PTPN14: variants seen among roughly 807,000 people sequenced by gnomAD.
PTPN14 encodes protein tyrosine phosphatase non-receptor type 14.
PTPN14 carries 53 observed loss-of-function variants against 126.8 expected under a neutral mutation model. That is an observed-to-expected ratio of 0.42 (90% CI 0.34 to 0.53). The LOEUF (loss-of-function observed/expected upper bound fraction) is 0.53. Ranked by LOEUF, PTPN14 falls within the 20% of genes least tolerant of loss-of-function variation. The pLI is 0.08. For synonymous variants in PTPN14, 630 were observed against 599.3 expected, an observed-to-expected ratio of 1.05 and a Z score of -0.75; for missense variants, 1,257 against 1,552.9, an observed-to-expected ratio of 0.81 and a Z score of 3.20.
intron 1 of PTPN14, among the ~76,000 whole-genome samples, chr1:214,512,037 C>T (rs1654986379): frequency 6.6e-6 from 1 of 152,072 alleles, no homozygotes; most frequent in African/African-American, 2.4e-5. Context: ...CTGCATCTCC[C>T]AGGGCTAGTC....
Position 214,485,455 on chromosome 1 carries a change from G to A in PTPN14, c.-154-20498C>T, listed in dbSNP as rs546914097. Among the ~76,000 whole-genome samples, 18 of 152,296 alleles carry A rather than the reference G, an allele frequency of 1.2e-4. No individual in the cohort carries two copies. In the South Asian group the frequency reaches 2.9e-3, roughly 25 times the overall value. ...TTTTGGGAAATCTGTGATAACCACCGGGATCAAGTCCTCATTAGACAAGTG... is the reference window on the plus strand; with the variant it reads ...TTTTGGGAAATCTGTGATAACCACCAGGATCAAGTCCTCATTAGACAAGTG... On this transcript the variant is annotated intron_variant, in intron 1 of 18. Transcript: ENST00000366956.
intron 3 of PTPN14, among the ~76,000 whole-genome samples, chr1:214,442,834 T>A (rs1049266901): frequency 1.6e-5 from 2 of 126,360 alleles, no homozygotes; most frequent in African/African-American, 6.0e-5. Context: ...TTTTTTTTTT[T>A]CTCTTTGAGA....
At chr1:214,483,014 C>A (rs74691263) in intron 1 of PTPN14, 7 of 1,436,358 alleles carry the variant, frequency 4.9e-6, no homozygotes, top group Non-Finnish European at 6.4e-6. Flanking sequence ...CCATTCCCCC[C>A]ATACTATTTC....
chr1:214,465,035 G>GCGCCCCCCCCCCCCCCCCC (rs1660599018), intron 1 of PTPN14, 78 bp from the exon 2 acceptor site: 2 of 278,410 alleles, frequency 7.2e-6, no homozygotes, highest in Non-Finnish European at 1.2e-5. Context: ...ACACACAGAA[G>GCGCCCCCCCCCCCCCCCCC]CCCCCCCCCC....
chr1:214,430,682 T>C (rs1473851769), intron 3 of PTPN14, among the ~76,000 whole-genome samples: 1 of 152,236 alleles, frequency 6.6e-6, no homozygotes, highest in African/African-American at 2.4e-5. Context: ...TCCATTTATG[T>C]GAGCCAATTC....
chr1:214,476,072 G>A (rs1156602222), intron 1 of PTPN14, among the ~76,000 whole-genome samples: 1 of 152,156 alleles, frequency 6.6e-6, no homozygotes, highest in Non-Finnish European at 1.5e-5. Flanking sequence ...AGGGGGCCCT[G>A]AGGCTGGGAC....
chr1:214,549,317 C>T (rs1430646461), intron 1 of PTPN14, among the ~76,000 whole-genome samples: 1 of 152,022 alleles, frequency 6.6e-6, no homozygotes, highest in African/African-American at 2.4e-5. Flanking sequence ...AATCCTGGGC[C>T]ATTAGTCTAC....
chr1:214,433,949 CACAAAAAAAAAAAAAAAAA>C (rs764981536), intron 3 of PTPN14, among the ~76,000 whole-genome samples: 5 of 68,604 alleles, frequency 7.3e-5, no homozygotes, highest in African/African-American at 2.1e-4. Context: ...CACACACACA[CACAAAAAAAAAAAAAAAAA>C]AAAACTCAAA....
chr1:214,409,038 T>C (rs1427153321), intron 5 of PTPN14, among the ~76,000 whole-genome samples: 1 of 152,260 alleles, frequency 6.6e-6, no homozygotes, highest in Non-Finnish European at 1.5e-5. Flanking sequence ...GTATATATTG[T>C]GGAATTGGCA....
chr1:214,456,298 G>A (rs12736454), intron 2 of PTPN14, among the ~76,000 whole-genome samples: 57,613 of 151,788 alleles, frequency 0.38, 11,192 homozygotes, highest in East Asian at 0.53. Context: ...ATTAAGAAAT[G>A]GTGTGCTTCC....
chr1:214,520,065 A>AAAAAAATATATATATATATATATAT lies in PTPN14; in HGVS notation c.-155+31117_-155+31118insATATATATATATATATATATTTTTT. On this transcript the variant is annotated intron_variant, in intron 1 of 18. Transcript: ENST00000366956. ...CCTGTCTCAAAAAAAAAAAAAAAAAAATATATATATATATATATGCAGAAT... is the reference window on the plus strand; with the variant it reads ...CCTGTCTCAAAAAAAAAAAAAAAAAAAAAAAATATATATATATATATATATATATATATATATATATATGCAGAAT... Among the ~76,000 whole-genome samples, 3 of 71,112 alleles carry AAAAAAATATATATATATATATATAT rather than the reference A, an allele frequency of 4.2e-5. No individual in the cohort carries two copies. The Admixed American group carries it at 4.8e-4, about 11-fold the overall frequency. 46.7% of individuals were successfully genotyped at this position (71,112 alleles called of 152,430 possible).
At position 214,364,716 on chromosome 1, in the gene PTPN14, T is replaced by C. The variant is rs35778117; in HGVS notation, c.3272-41A>G. ...CAAATTCTGTCACCAAAGTCCTCCA[T>C]GGCTTCGCATGTAAGTTGGGGAGGG... On this transcript the variant is annotated intron_variant, in intron 17 of 18. Transcript: ENST00000366956. The surrounding 1 kb of genome is among the most constrained non-coding windows in gnomAD (Gnocchi z 4.1). 2.5e-6 allele frequency: 4 copies of C among 1,587,014 alleles called. No individual in the cohort carries two copies. The highest frequency in any genetic ancestry group is 3.4e-6 in the Non-Finnish European group (4 of 1,165,792).
chr1:214,521,330 C>A (rs1162288798), intron 1 of PTPN14, among the ~76,000 whole-genome samples: 1 of 152,142 alleles, frequency 6.6e-6, no homozygotes, highest in African/African-American at 2.4e-5. Flanking sequence ...AGAAAAGAGC[C>A]CTCTGATATA....
chr1:214,378,477 C>T (rs1658396226), intron 13 of PTPN14, among the ~76,000 whole-genome samples: 1 of 152,220 alleles, frequency 6.6e-6, no homozygotes, highest in South Asian at 2.1e-4. Context: ...TTATATGAAC[C>T]ATCTAATCCA....
At chr1:214,533,193 C>T (rs1294969390) in intron 1 of PTPN14, 5 of 714,406 alleles carry the variant, frequency 7.0e-6, no homozygotes, top group African/African-American at 1.8e-5. Context: ...AGCAGCTCAA[C>T]GAGATCCTGC....
chr1:214,482,289 A>G (rs539514342), intron 1 of PTPN14, among the ~76,000 whole-genome samples: 35 of 135,504 alleles, frequency 2.6e-4, no homozygotes, highest in African/African-American at 7.9e-4. Flanking sequence ...GCTAAAGTAG[A>G]TATCAGGCAA....
chr1:214,426,638 A>G (rs1454507531), intron 3 of PTPN14, among the ~76,000 whole-genome samples: 1 of 152,224 alleles, frequency 6.6e-6, no homozygotes, highest in Non-Finnish European at 1.5e-5. Flanking sequence ...GCAGAGAACT[A>G]TAATTCCCAA....
chr1:214,451,860 A>G lies in PTPN14; in HGVS notation c.289T>C (p.Phe97Leu). 6.2e-7 allele frequency: 1 copy of G among 1,614,238 alleles called. No homozygotes were observed. The highest frequency in any genetic ancestry group is 8.5e-7 in the Non-Finnish European group (1 of 1,180,036). The change falls in exon 3 of 19, where the codon TTT becomes CTT. Residue 97 changes from phenylalanine (F) to leucine (L), a missense_variant. Transcript: ENST00000366956. ...TTTGGCACATAGAACATGACTCCAA[A>G]GAAAAGCAAAGGCTCATTAGCGAAT... is the stretch of plus-strand genomic sequence containing the variant. ...DKFANEPLLF[F>L]GVMFYVPNVS...
At chr1:214,506,199 C>CT (rs1416659606) in intron 1 of PTPN14, among the ~76,000 whole-genome samples, 3 of 152,152 alleles carry the variant, frequency 2.0e-5, no homozygotes, top group African/African-American at 7.2e-5. Context: ...TTTCCGCTAG[C>CT]TTTTTTCCTA....
Sources: allele counts gnomAD v4.1 joint callset (sites outside exome capture counted in the v4.1 genomes callset), GRCh38; gene constraint gnomAD v4.1.1; non-coding constraint Gnocchi (gnomAD v3.1); transcripts MANE v1.5; gene names NCBI Gene and HGNC (gene_info 2026-07-23, HGNC 2026-07-21).